NPHP1: variants seen among roughly 807,000 people sequenced by gnomAD.
NPHP1 encodes the protein nephrocystin 1.
In NPHP1, 70 loss-of-function variants were observed where a neutral mutation model predicts 90.4. That is an observed-to-expected ratio of 0.77 (90% CI 0.64 to 0.95). NPHP1 has a LOEUF of 0.95. Among genes scored for constraint, NPHP1 ranks in the 40% least tolerant of loss-of-function variants. NPHP1 has a pLI of 0.00. For missense variants in NPHP1, 764 were observed against 795.9 expected (o/e 0.96, Z 0.48); for synonymous variants, 256 against 271.7 (o/e 0.94, Z 0.57).
chr2:110,170,472 C>T (rs1683043824), intron 4 of NPHP1, among the ~76,000 whole-genome samples: 1 of 152,132 alleles, frequency 6.6e-6, no homozygotes, highest in Admixed American at 6.5e-5. Context: ...TGAGTTACTA[C>T]TTGCAAAGTG....
intron 16 of NPHP1, among the ~76,000 whole-genome samples, chr2:110,133,375 C>G (rs1416956919): frequency 2.0e-5 from 3 of 152,068 alleles, no homozygotes; most frequent in Middle Eastern, 3.2e-3. Flanking sequence ...CATATATGCA[C>G]CAAACATCAG....
chr2:110,155,283 A>G (rs906706731), intron 11 of NPHP1, among the ~76,000 whole-genome samples: 13 of 152,158 alleles, frequency 8.5e-5, no homozygotes, highest in Non-Finnish European at 2.9e-5. Context: ...CTGAATGTCC[A>G]GTCATAAGTT....
intron 2 of NPHP1, among the ~76,000 whole-genome samples, chr2:110,199,859 C>T (rs994432733): frequency 7.2e-5 from 11 of 152,096 alleles, no homozygotes; most frequent in African/African-American, 2.7e-4. Context: ...AAAAATGATA[C>T]CTAAATGACA....
chr2:110,184,415 C>T, intron 2 of NPHP1: 1 of 632,778 alleles, frequency 1.6e-6, no homozygotes, highest in Non-Finnish European at 2.9e-6. Context: ...CACAAAGACA[C>T]CAGGAATGAG....
chr2:110,177,518 C>A (rs962911408), intron 4 of NPHP1, among the ~76,000 whole-genome samples: 1 of 152,066 alleles, frequency 6.6e-6, no homozygotes, highest in Non-Finnish European at 1.5e-5. Context: ...CAAGGAAATG[C>A]TCATTGGAGT....
intron 18 of NPHP1, chr2:110,127,431 C>T (rs981637137): frequency 3.9e-5 from 6 of 152,018 alleles, no homozygotes; most frequent in African/African-American, 1.4e-4. Context: ...TTAAAATTAT[C>T]ATAACACAAA....
At position 110,131,372 on chromosome 2, in the gene NPHP1, G is replaced by GA. The variant is rs1471035779; in HGVS notation, c.1642+306dup. ...GATTATGTGCATACCAAACACATGG[G>GA]AAAAAACAGATTACTCAGAGACATT... On this transcript the variant is annotated intron_variant, in intron 17 of 19. Coordinates refer to ENST00000445609, the MANE Select transcript of NPHP1 (RefSeq NM_001128178.3). Among the ~76,000 whole-genome samples, 5 of 152,000 alleles carry GA rather than the reference G, an allele frequency of 3.3e-5. No individual in the cohort carries two copies. In the South Asian group the frequency reaches 1.0e-3, roughly 32 times the overall value.
chr2:110,158,424 AC>A (rs1160429253), intron 11 of NPHP1, among the ~76,000 whole-genome samples: 1 of 152,046 alleles, frequency 6.6e-6, no homozygotes, highest in African/African-American at 2.4e-5. Flanking sequence ...AGAGGCCCCA[AC>A]TATAATTGTG....
intron 18 of NPHP1, 68 bp downstream of exon 18, chr2:110,129,118 T>A (rs1679583452): frequency 1.0e-6 from 1 of 999,914 alleles, no homozygotes; most frequent in Non-Finnish European, 1.5e-6. Flanking sequence ...TAGACAGAAC[T>A]CATTAACACA....
At chr2:110,177,461 C>T (rs1354226658) in intron 4 of NPHP1, among the ~76,000 whole-genome samples, 3 of 152,004 alleles carry the variant, frequency 2.0e-5, no homozygotes, top group Non-Finnish European at 2.9e-5. Flanking sequence ...ATCCAAAATC[C>T]GAAATACTCC....
Position 110,125,218 on chromosome 2 carries a change from C to T in NPHP1, c.1761+419G>A, listed in dbSNP as rs185406880. The T allele has an allele frequency of 4.6e-5, 71 of 1,535,074 alleles. 1 individual carries two copies. The East Asian group carries it at 1.6e-3, about 34-fold the overall frequency. ...TAAAGCAAGTTCGGATTGGTAATTA[C>T]CATGATTTTATAGCAAGGTAAGCAG... On this transcript the variant is annotated intron_variant, in intron 19 of 19. Transcript: ENST00000445609.
chr2:110,184,955 C>A (rs899240654), intron 2 of NPHP1: 4 of 664,514 alleles, frequency 6.0e-6, no homozygotes, highest in Non-Finnish European at 1.1e-5. Context: ...GCAGTTCACA[C>A]TTTTCTCCAA....
rs1345356654 is a variant in NPHP1, at chr2:110,187,689, C to T, written c.144-8005G>A. Among the ~76,000 whole-genome samples the T allele has an allele frequency of 3.3e-5, 5 of 152,072 alleles. 1 individual carries two copies. The highest frequency in any genetic ancestry group is 2.0e-4 in the Admixed American group (3 of 15,272). The stretch of plus-strand genomic sequence containing the variant: ...ATTGTATCCAGCATCCTCCCGATAC[C>T]AAAACCTGGGAGAGATACAGCAAAA... On this transcript the variant is annotated intron_variant, in intron 2 of 19. Transcript: ENST00000445609.
intron 12 of NPHP1, among the ~76,000 whole-genome samples, chr2:110,148,715 G>T (rs1037918760): frequency 1.6e-4 from 24 of 152,058 alleles, no homozygotes. Flanking sequence ...ACAAATAATA[G>T]TTTATAGACA....
chr2:110,143,264 G>A (rs1337076706), intron 16 of NPHP1, among the ~76,000 whole-genome samples: 1 of 151,944 alleles, frequency 6.6e-6, no homozygotes, highest in Admixed American at 6.6e-5. Flanking sequence ...GTTCCCTGAG[G>A]GTAGAATCAT....
chr2:110,141,708 C>T (rs1574080209), intron 16 of NPHP1, among the ~76,000 whole-genome samples: 1 of 152,022 alleles, frequency 6.6e-6, no homozygotes, highest in South Asian at 2.1e-4. Context: ...TGCGGTGGCT[C>T]AAGCCTGTAA....
intron 2 of NPHP1, among the ~76,000 whole-genome samples, chr2:110,194,519 C>A (rs1452103626): frequency 1.3e-5 from 2 of 152,086 alleles, no homozygotes; most frequent in Admixed American, 1.3e-4. Context: ...TAATTAATAG[C>A]TTACCAACCA....
At chr2:110,154,438 T>C (rs552745762) in intron 11 of NPHP1, among the ~76,000 whole-genome samples, 1 of 152,316 alleles carries the variant, frequency 6.6e-6, no homozygotes, top group South Asian at 2.1e-4. Context: ...GAAGCAACTT[T>C]GGAACTGGGT....
chr2:110,179,166 C>T (rs1683712292), intron 3 of NPHP1, among the ~76,000 whole-genome samples: 1 of 146,498 alleles, frequency 6.8e-6, no homozygotes, highest in Admixed American at 6.8e-5. Flanking sequence ...AAAAAAAAAT[C>T]CTGAAGGGAT....
Sources: allele counts gnomAD v4.1 joint callset (sites outside exome capture counted in the v4.1 genomes callset), GRCh38; gene constraint gnomAD v4.1.1; transcripts MANE v1.5; gene names NCBI Gene and HGNC (gene_info 2026-07-23, HGNC 2026-07-21).